Variants in WAC observed in about 807,000 individuals in gnomAD.
WAC encodes WW domain containing adaptor with coiled-coil, also known as WW domain-containing adapter protein with coiled-coil.
A neutral mutation model predicts 79.6 loss-of-function variants in WAC; 11 were observed. The observed-to-expected ratio is 0.14, with a 90% CI of 0.09 to 0.23. The LOEUF is 0.23. WAC is among the 10% of genes least tolerant of loss of function. The pLI is 1.00. For missense variants in WAC, 728 were observed against 773.5 expected (o/e 0.94, Z 0.70); for synonymous variants, 304 against 276.9 (o/e 1.10, Z -0.97).
chr10:28,594,380 A>G (rs1840247289), intron 6 of WAC, among the ~76,000 whole-genome samples: 1 of 152,204 alleles, frequency 6.6e-6, no homozygotes, highest in Admixed American at 6.5e-5. Context: ...TGCAGGTAGA[A>G]ACTGTAGAAT....
chr10:28,605,497 A>G (rs961666663), intron 7 of WAC, among the ~76,000 whole-genome samples: 1 of 152,208 alleles, frequency 6.6e-6, no homozygotes, highest in African/African-American at 2.4e-5. Context: ...TGGCCTTCAG[A>G]GATGTCACTT....
intron 3 of WAC, among the ~76,000 whole-genome samples, chr10:28,539,519 A>C (rs1836884792): frequency 6.6e-6 from 1 of 151,928 alleles, no homozygotes; most frequent in Non-Finnish European, 1.5e-5. Flanking sequence ...AATCTTGTTT[A>C]AAGTAACCAA....
intron 7 of WAC, among the ~76,000 whole-genome samples, chr10:28,598,275 C>T (rs954318988): frequency 2.6e-5 from 4 of 152,172 alleles, no homozygotes; most frequent in Non-Finnish European, 5.9e-5. Flanking sequence ...AGCTTGGTCT[C>T]CATCCGTTGC....
At chr10:28,591,198 T>G in intron 6 of WAC, 1 of 215,474 alleles carries the variant, frequency 4.6e-6, no homozygotes, top group Non-Finnish European at 9.2e-6. Context: ...TCTCACCGGC[T>G]TTTAGTCTAA....
At chr10:28,547,528 TC>T (rs1837419428) in intron 3 of WAC, among the ~76,000 whole-genome samples, 2 of 150,242 alleles carry the variant, frequency 1.3e-5, no homozygotes, top group South Asian at 4.2e-4. Flanking sequence ...AGAGTGAGAC[TC>T]CATCTCCAAA....
intron 3 of WAC, among the ~76,000 whole-genome samples, chr10:28,577,004 C>T (rs992194468): frequency 9.9e-5 from 15 of 152,060 alleles, no homozygotes; most frequent in African/African-American, 3.6e-4. Context: ...GTTTCAAGTG[C>T]TTAGTAGCTA....
chr10:28,598,590 A>C (rs1840490957), intron 7 of WAC, among the ~76,000 whole-genome samples: 1 of 152,142 alleles, frequency 6.6e-6, no homozygotes, highest in South Asian at 2.1e-4. Flanking sequence ...TTATTCCTTA[A>C]AACAACACTG....
intron 3 of WAC, among the ~76,000 whole-genome samples, chr10:28,561,694 T>C (rs1838307551): frequency 6.6e-6 from 1 of 152,138 alleles, no homozygotes; most frequent in Non-Finnish European, 1.5e-5. Flanking sequence ...TTCTGTGGCC[T>C]GTTAGCAATC....
At chr10:28,554,887 C>T (rs775509780) in intron 3 of WAC, among the ~76,000 whole-genome samples, 5 of 152,084 alleles carry the variant, frequency 3.3e-5, no homozygotes, top group African/African-American at 4.8e-5. Context: ...CTCCTTTTGC[C>T]TAGTTAATTC....
At chr10:28,553,890 G>A (rs1273014118) in intron 3 of WAC, among the ~76,000 whole-genome samples, 4 of 151,986 alleles carry the variant, frequency 2.6e-5, no homozygotes, top group Non-Finnish European at 5.9e-5. Context: ...CTCTTTTGAG[G>A]CAGAGTCTTG....
At chr10:28,541,674 A>C (rs1436638424) in intron 3 of WAC, among the ~76,000 whole-genome samples, 2 of 152,082 alleles carry the variant, frequency 1.3e-5, no homozygotes, top group Admixed American at 1.3e-4. Context: ...TAGGCTGATC[A>C]GTATTATTCC....
intron 3 of WAC, among the ~76,000 whole-genome samples, chr10:28,569,874 C>T (rs936265799): frequency 2.0e-5 from 3 of 152,134 alleles, no homozygotes; most frequent in African/African-American, 7.2e-5. Context: ...GGCAGTGTGG[C>T]AATATGTACT....
intron 9 of WAC, chr10:28,611,317 A>C (rs1197394080): frequency 7.7e-7 from 1 of 1,293,200 alleles, no homozygotes; most frequent in African/African-American, 1.5e-5. Context: ...ATGGGAAGTG[A>C]AAGGGTCACT....
chr10:28,568,667 A>G (rs1564391523), intron 3 of WAC, among the ~76,000 whole-genome samples: 2 of 152,082 alleles, frequency 1.3e-5, no homozygotes, highest in African/African-American at 2.4e-5. Context: ...TACATTAGGT[A>G]TATCTCCTAA....
At chr10:28,585,086 GTTAA>G (rs1207639346) in intron 4 of WAC, among the ~76,000 whole-genome samples, 2 of 151,978 alleles carry the variant, frequency 1.3e-5, no homozygotes, top group Admixed American at 1.3e-4. Context: ...AGAAAATCAT[GTTAA>G]TTGTTTTAAC....
intron 3 of WAC, among the ~76,000 whole-genome samples, chr10:28,543,681 C>G (rs905065780): frequency 1.1e-4 from 16 of 152,160 alleles, no homozygotes; most frequent in African/African-American, 3.9e-4. Context: ...CTATATAGTG[C>G]TTCTTGTACT....
At chr10:28,551,354 C>T (rs1475447661) in intron 3 of WAC, among the ~76,000 whole-genome samples, 2 of 152,140 alleles carry the variant, frequency 1.3e-5, no homozygotes, top group African/African-American at 4.8e-5. Context: ...AAAAAGAATG[C>T]AGCTATTACA....
chr10:28,534,127 G>A, intron 2 of WAC, 93 bp downstream of exon 2: 1 of 1,284,556 alleles, frequency 7.8e-7, no homozygotes, highest in Non-Finnish European at 1.1e-6. Context: ...AGTCGATACA[G>A]GCCCTTCGGT....
At chr10:28,566,792 G>A (rs985520679) in intron 3 of WAC, among the ~76,000 whole-genome samples, 2 of 152,026 alleles carry the variant, frequency 1.3e-5, no homozygotes, top group Non-Finnish European at 2.9e-5. Flanking sequence ...TTTGTTAATG[G>A]GTAAAATTCA....
Sources: allele counts gnomAD v4.1 joint callset (sites outside exome capture counted in the v4.1 genomes callset), GRCh38; gene constraint gnomAD v4.1.1; transcripts MANE v1.5; gene names NCBI Gene and HGNC (gene_info 2026-07-23, HGNC 2026-07-21).